Variants in TIMP2 observed in about 807,000 individuals in gnomAD.
TIMP2 encodes metalloproteinase inhibitor 2.
TIMP2 carries 5 observed loss-of-function variants against 24.3 expected under a neutral mutation model. The observed-to-expected ratio is 0.21, with a 90% CI of 0.11 to 0.43. The LOEUF (loss-of-function observed/expected upper bound fraction) is 0.43, where lower values mean the gene tolerates loss of function less well. TIMP2 is among the 20% of genes least tolerant of loss of function. The probability of loss-of-function intolerance (pLI) is 1.00; values close to 1 mark genes in which losing one functional copy is unlikely to be tolerated. For synonymous variants in TIMP2, 130 were observed against 123.2 expected (o/e 1.06, Z -0.37); for missense variants, 221 against 297.5 (o/e 0.74, Z 1.89).
chr17:78,905,673 CT>C (rs2070152301), intron 1 of TIMP2, among the ~76,000 whole-genome samples: 1 of 152,228 alleles, frequency 6.6e-6, no homozygotes, highest in African/African-American at 2.4e-5. Context: ...TCTCTCAAGC[CT>C]GGGCTCTCCT....
rs7342880 is a variant in TIMP2, at chr17:78,878,430, A to T, written c.131-4511T>A. Among the ~76,000 whole-genome samples, 3 of 152,082 alleles carry T rather than the reference A, an allele frequency of 2.0e-5. No homozygotes were observed. The South Asian group carries it at 6.2e-4, about 32-fold the overall frequency. ...AATGCGTGTACAGTTCAGGACCACG[A>T]GCATCGCATAGACAAGCAGGGCGAA... On this transcript the variant is annotated intron_variant, in intron 1 of 4. Coordinates refer to ENST00000262768, the MANE Select transcript of TIMP2 (RefSeq NM_003255.5).
chr17:78,878,374 G>A (rs1027679365), intron 1 of TIMP2, among the ~76,000 whole-genome samples: 3 of 152,196 alleles, frequency 2.0e-5, no homozygotes, highest in African/African-American at 7.2e-5. Flanking sequence ...TGTTAGAGGG[G>A]CTGGTGTGGA....
At chr17:78,915,520 TTTC>T (rs746646228) in intron 1 of TIMP2, among the ~76,000 whole-genome samples, 4 of 105,720 alleles carry the variant, frequency 3.8e-5, no homozygotes, top group African/African-American at 7.4e-5. Flanking sequence ...TCTCTCTTTT[TTTC>T]TTCTTTTTTT....
At chr17:78,858,410 TCCAGC>T (rs2069542464) in intron 3 of TIMP2, among the ~76,000 whole-genome samples, 1 of 151,444 alleles carries the variant, frequency 6.6e-6, no homozygotes, top group South Asian at 2.1e-4. Context: ...GCCACTGCAC[TCCAGC>T]CTGGGCCTGG....
At chr17:78,892,471 G>C in intron 1 of TIMP2, 1 of 1,540,178 alleles carries the variant, frequency 6.5e-7, no homozygotes, top group Non-Finnish European at 8.8e-7. Context: ...TACGAGGAAG[G>C]GAGCACAAGT....
At chr17:78,860,202 CA>C (rs796876995) in intron 3 of TIMP2, among the ~76,000 whole-genome samples, 1 of 151,444 alleles carries the variant, frequency 6.6e-6, no homozygotes, top group African/African-American at 2.4e-5. Context: ...AAAACAAAAA[CA>C]AAAAAAACCT....
At chr17:78,897,271 G>A (rs1227318021) in intron 1 of TIMP2, 3 of 152,372 alleles carry the variant, frequency 2.0e-5, no homozygotes, top group Non-Finnish European at 4.4e-5. Flanking sequence ...ACCAGATCCT[G>A]TGGTTCACTG....
intron 3 of TIMP2, among the ~76,000 whole-genome samples, chr17:78,864,251 CTTCT>C (rs978262994): frequency 1.3e-5 from 2 of 151,258 alleles, no homozygotes; most frequent in African/African-American, 4.9e-5. Flanking sequence ...CAGCTCATCT[CTTCT>C]TTCCTTCCTT....
At chr17:78,876,719 G>T (rs1326175153) in intron 1 of TIMP2, among the ~76,000 whole-genome samples, 4 of 151,694 alleles carry the variant, frequency 2.6e-5, no homozygotes, top group Non-Finnish European at 5.9e-5. Context: ...TAGAGACAGG[G>T]TTTTAGCATG....
intron 1 of TIMP2, among the ~76,000 whole-genome samples, chr17:78,883,514 A>T (rs1375883079): frequency 6.6e-6 from 1 of 152,190 alleles, no homozygotes; most frequent in African/African-American, 2.4e-5. Flanking sequence ...CAGAGAAGGT[A>T]ACAGGGTGCA....
chr17:78,860,009 TAAAA>T (rs1385234833), intron 3 of TIMP2, among the ~76,000 whole-genome samples: 1 of 148,918 alleles, frequency 6.7e-6, no homozygotes, highest in Admixed American at 6.7e-5. Context: ...ATACATAAAA[TAAAA>T]AAAATACAAA....
At chr17:78,913,895 GAAAAAAA>G (rs34119062) in intron 1 of TIMP2, among the ~76,000 whole-genome samples, 7 of 102,178 alleles carry the variant, frequency 6.9e-5, no homozygotes, top group Non-Finnish European at 1.4e-4. Flanking sequence ...CTGTCTCGGG[GAAAAAAA>G]AAAAAAAAAA....
Position 78,891,815 on chromosome 17 carries a change from G to A in TIMP2, c.131-17896C>T, listed in dbSNP as rs1290236710. The A allele has an allele frequency of 2.5e-5, 39 of 1,550,772 alleles. No individual in the cohort carries two copies. The highest frequency in any genetic ancestry group is 1.5e-4 in the East Asian group (6 of 40,940). ...ACAGCGGCCACCCCCAGACTTGGTCGAAGGTTCTGGCCTTCCCTTTCTCTT... is the reference window on the plus strand; with the variant it reads ...ACAGCGGCCACCCCCAGACTTGGTCAAAGGTTCTGGCCTTCCCTTTCTCTT... On this transcript the variant is annotated intron_variant, in intron 1 of 4. Transcript: ENST00000262768. This position sits in a 1 kb window ranked among gnomAD's most constrained non-coding sequence, Gnocchi z 4.5.
At chr17:78,871,488 T>C (rs1204951738) in intron 2 of TIMP2, among the ~76,000 whole-genome samples, 1 of 150,538 alleles carries the variant, frequency 6.6e-6, no homozygotes, top group Non-Finnish European at 1.5e-5. Flanking sequence ...AAAAGACTTC[T>C]TATAGCAAAG....
At chr17:78,912,765 G>T (rs929481899) in intron 1 of TIMP2, among the ~76,000 whole-genome samples, 5 of 152,220 alleles carry the variant, frequency 3.3e-5, no homozygotes, top group East Asian at 1.9e-4. Flanking sequence ...GATCCGAAAA[G>T]GTTTCTATGA....
intron 3 of TIMP2, among the ~76,000 whole-genome samples, chr17:78,861,312 A>G (rs76379277): frequency 1.2e-3 from 185 of 152,302 alleles, no homozygotes; most frequent in African/African-American, 4.3e-3. Context: ...CTTGACCAGC[A>G]TTAACTCCCA....
rs2070335395 is a variant in TIMP2, at chr17:78,924,691, T to C, written c.130+268A>G. Among the ~76,000 whole-genome samples the C allele has an allele frequency of 1.3e-5, 2 of 152,064 alleles. No individual in the cohort carries two copies. Among genetic ancestry groups the C allele is most frequent in the African/African-American group, 4.8e-5 (2 of 41,430 alleles). ...TGCCAAAAGCCAAACTGGCTCCCTT[T>C]CCTGGGGCTGGAGCTGCGGCGGAAT... On this transcript the variant is annotated intron_variant, in intron 1 of 4. Transcript: ENST00000262768. This position sits in a 1 kb window ranked among gnomAD's most constrained non-coding sequence, Gnocchi z 5.3.
chr17:78,865,989 T>C (rs2069611700), intron 3 of TIMP2, among the ~76,000 whole-genome samples: 1 of 148,886 alleles, frequency 6.7e-6, no homozygotes, highest in Non-Finnish European at 1.5e-5. Flanking sequence ...CTTTAAAGGC[T>C]GTTCCCTGTG....
chr17:78,857,733 G>T lies in TIMP2; in HGVS notation c.341-87C>A. The T allele has an allele frequency of 1.9e-6, 3 of 1,562,330 alleles. No individual in the cohort carries two copies. In the Admixed American group the frequency reaches 5.4e-5, roughly 28 times the overall value. ...CCTCCACCCGGCGCAGGGGCGCTGGGATTTCGTTGCAACAATCCTGTGCAC... is the reference window on the plus strand; with the variant it reads ...CCTCCACCCGGCGCAGGGGCGCTGGTATTTCGTTGCAACAATCCTGTGCAC... On this transcript the variant is annotated intron_variant, in intron 3 of 4. Transcript: ENST00000262768.
Sources: allele counts gnomAD v4.1 joint callset (sites outside exome capture counted in the v4.1 genomes callset), GRCh38; gene constraint gnomAD v4.1.1; non-coding constraint Gnocchi (gnomAD v3.1); transcripts MANE v1.5; gene names NCBI Gene and HGNC (gene_info 2026-07-23, HGNC 2026-07-21).